The following ADARB1 variants were observed in gnomAD, a reference collection of about 807,000 sequenced individuals.
ADARB1 encodes double-stranded RNA-specific editase 1.
In ADARB1, 10 loss-of-function variants were observed where a neutral mutation model predicts 52.4. The observed-to-expected ratio is 0.19, with a 90% CI of 0.12 to 0.32. ADARB1 has a LOEUF of 0.32. Ranked by LOEUF, ADARB1 falls within the 10% of genes least tolerant of loss-of-function variation. ADARB1 has a pLI of 1.00. For synonymous variants in ADARB1, 349 were observed against 371.1 expected (o/e 0.94, Z 0.68); for missense variants, 643 against 922.3 (o/e 0.70, Z 3.92).
chr21:45,170,558 T>A (rs1395723425), intron 2 of ADARB1, among the ~76,000 whole-genome samples: 1 of 151,782 alleles, frequency 6.6e-6, no homozygotes, highest in Non-Finnish European at 1.5e-5. Context: ...TTAACATGAT[T>A]TCATGAAAAA....
intron 8 of ADARB1, among the ~76,000 whole-genome samples, chr21:45,188,030 T>G (rs2092165729): frequency 6.6e-6 from 1 of 152,114 alleles, no homozygotes; most frequent in Admixed American, 6.5e-5. Context: ...TTCTCTTTAG[T>G]TTTTTTGGGA....
chr21:45,099,146 C>T (rs2086891847), intron 1 of ADARB1, among the ~76,000 whole-genome samples: 1 of 152,180 alleles, frequency 6.6e-6, no homozygotes, highest in South Asian at 2.1e-4. Context: ...GATTTTCACG[C>T]ATGTCTTCCC....
intron 3 of ADARB1, among the ~76,000 whole-genome samples, chr21:45,173,778 T>C (rs1281085456): frequency 6.6e-6 from 1 of 151,772 alleles, no homozygotes; most frequent in African/African-American, 2.4e-5. Context: ...CCTATCGAGC[T>C]TTTGCTGGAG....
In ADARB1 at chr21:45,128,560, A is replaced by C. The variant is rs2088735970; in HGVS notation, c.-61A>C. 1 of 152,296 alleles carries C rather than the reference A, an allele frequency of 6.6e-6. No homozygotes were observed. The allele number at this position is 152,296 out of a possible 1,614,324, so 9.4% of individuals were successfully genotyped here. On this transcript the variant is annotated 5_prime_UTR_variant, in exon 2 of 11. Transcript: ENST00000348831. The surrounding 1 kb of genome is among the most constrained non-coding windows in gnomAD (Gnocchi z 4.6). ...TTGGGATCAGAGCAGACATAAAGCT[A>C]GAAAAATTTCAAGGTGAGTAAAAAC...
At chr21:45,092,083 C>T (rs1173220017) in intron 1 of ADARB1, among the ~76,000 whole-genome samples, 1 of 152,176 alleles carries the variant, frequency 6.6e-6, no homozygotes, top group African/African-American at 2.4e-5. Flanking sequence ...GAGTGTGTGA[C>T]AGGCACAGTG....
At chr21:45,092,230 C>T (rs1485802400) in intron 1 of ADARB1, among the ~76,000 whole-genome samples, 1 of 152,198 alleles carries the variant, frequency 6.6e-6, no homozygotes, top group Admixed American at 6.5e-5. Context: ...GTGCTAGCAG[C>T]ACATTCCCTT....
rs542549203 is a variant in ADARB1 at position 45,104,115 on chromosome 21, T to C, written c.-219-24287T>C. Among the ~76,000 whole-genome samples, 16 of 152,280 alleles carry C rather than the reference T, an allele frequency of 1.1e-4. No individual in the cohort carries two copies. In the South Asian group the frequency reaches 2.9e-3, roughly 28 times the overall value. On this transcript the variant is annotated intron_variant, in intron 1 of 10. Transcript: ENST00000348831. ...GCTAGCTCGTATACTTTTTCACAAG[T>C]GTGTTCTGTTCCCTTCAGCGGGGTA...
In ADARB1 at chr21:45,175,850, G is replaced by T; in HGVS notation, c.149G>T (p.Gly50Val). The T allele has an allele frequency of 6.2e-7, 1 of 1,613,826 alleles. No individual in the cohort carries two copies. Among genetic ancestry groups the T allele is most frequent in the East Asian group, 2.2e-5 (1 of 44,868 alleles). ...TCCAATGGGGGTGGTGGTGGCCCCG[G>T]CAGAAAGCGGCCCCTGGAGGAGGGC... is the stretch of plus-strand genomic sequence containing the variant. ...QLSNGGGGGPGRKRPLEEGSN... is the reference protein window; with the variant it reads ...QLSNGGGGGPVRKRPLEEGSN... Residue 50 changes from glycine (G) to valine (V), a missense_variant, in exon 4 of 11, where the codon GGC (glycine) becomes GTC (valine). Gly to Val is a moderately radical substitution (Grantham distance 109). Coordinates refer to ENST00000348831, the MANE Select transcript of ADARB1 (RefSeq NM_001112.4).
intron 1 of ADARB1, among the ~76,000 whole-genome samples, chr21:45,088,518 G>A (rs1046185847): frequency 6.6e-5 from 10 of 152,206 alleles, no homozygotes; most frequent in South Asian, 2.1e-4. Flanking sequence ...TAAGGAGAAG[G>A]GACATCTCTT....
At chr21:45,194,504 G>C (rs952418290) in intron 8 of ADARB1, among the ~76,000 whole-genome samples, 1 of 141,518 alleles carries the variant, frequency 7.1e-6, no homozygotes, top group African/African-American at 2.9e-5. Context: ...TCTGTATTCT[G>C]CCTGTTCACC....
intron 7 of ADARB1, chr21:45,184,534 G>T: frequency 2.8e-6 from 1 of 351,612 alleles, no homozygotes; most frequent in South Asian, 2.2e-5. Flanking sequence ...CTGCAGCCTC[G>T]ACCTCCTGGG....
intron 1 of ADARB1, among the ~76,000 whole-genome samples, chr21:45,077,106 C>A (rs894170992): frequency 6.6e-6 from 1 of 152,160 alleles, no homozygotes; most frequent in Non-Finnish European, 1.5e-5. Context: ...TGCTATAGTG[C>A]ATATTCTTAC....
chr21:45,191,110 CCTAGA>C (rs1264023891), intron 8 of ADARB1, among the ~76,000 whole-genome samples: 1 of 152,148 alleles, frequency 6.6e-6, no homozygotes, highest in East Asian at 1.9e-4. Context: ...CCTGTAGCTT[CCTAGA>C]CTGCCATCTT....
rs548844793 is a variant in ADARB1 at position 45,140,234 on chromosome 21, A to G, written c.-48+11661A>G. Among the ~76,000 whole-genome samples, 114 of 152,212 alleles carry G rather than the reference A, an allele frequency of 7.5e-4. No homozygotes were observed. The Middle Eastern group carries it at 0.014, about 18-fold the overall frequency. On this transcript the variant is annotated intron_variant, in intron 2 of 10. Coordinates refer to ENST00000348831, the MANE Select transcript of ADARB1 (RefSeq NM_001112.4). The stretch of plus-strand genomic sequence containing the variant: ...TCATTCTTCTAAAGTGTGCACTCTA[A>G]TATATTCTGACAAATGTATGCCAGT...
intron 2 of ADARB1, among the ~76,000 whole-genome samples, chr21:45,164,324 C>T (rs575803730): frequency 2.6e-5 from 4 of 152,208 alleles, no homozygotes; most frequent in African/African-American, 7.2e-5. Flanking sequence ...TTTGCCCCTG[C>T]GTTGGCACAA....
chr21:45,156,364 C>T (rs2090628663), intron 2 of ADARB1, among the ~76,000 whole-genome samples: 1 of 151,612 alleles, frequency 6.6e-6, no homozygotes, highest in African/African-American at 2.4e-5. Flanking sequence ...TCCACCCACC[C>T]ATCATCACCC....
At position 45,223,394 on chromosome 21, in the gene ADARB1, CAGAG is replaced by C; in HGVS notation, c.*1198_*1201del. Reference sequence around the variant, plus strand: ...CAGCGTGCACGGGACGGCCCCACGACAGAGGGAGTCAGCCCGGGAGGTCAGGAGC... The same window carrying C: ...CAGCGTGCACGGGACGGCCCCACGACGGAGTCAGCCCGGGAGGTCAGGAGC... On this transcript the variant is annotated 3_prime_UTR_variant, in exon 11 of 11. Coordinates refer to ENST00000348831, the MANE Select transcript of ADARB1 (RefSeq NM_001112.4). 1.0e-6 allele frequency: 1 copy of C among 985,746 alleles called. No homozygotes were observed. The highest frequency in any genetic ancestry group is 1.2e-6 in the Non-Finnish European group (1 of 830,172). The allele number at this position is 985,746 out of a possible 1,614,324, so 61.1% of individuals were successfully genotyped here.
chr21:45,126,299 G>A (rs2088574674), intron 1 of ADARB1, among the ~76,000 whole-genome samples: 1 of 152,142 alleles, frequency 6.6e-6, no homozygotes, highest in African/African-American at 2.4e-5. Context: ...ACTGTTAGGA[G>A]CAGCGTCTTG....
intron 2 of ADARB1, among the ~76,000 whole-genome samples, chr21:45,154,831 G>A (rs1260271845): frequency 6.6e-6 from 1 of 152,184 alleles, no homozygotes; most frequent in African/African-American, 2.4e-5. Flanking sequence ...ACCTGGGAGA[G>A]GTCTGGGAGC....
Sources: gnomAD v4.1 joint callset for allele counts (sites outside exome capture counted in the v4.1 genomes callset) on GRCh38, gnomAD v4.1.1 for gene constraint, Gnocchi (gnomAD v3.1) non-coding constraint, MANE v1.5 for transcripts, NCBI Gene and HGNC (gene_info 2026-07-23, HGNC 2026-07-21) for gene names.